TBC1D22B: variants seen among roughly 807,000 people sequenced by gnomAD.
TBC1D22B encodes chromosome 6 open reading frame 197.
TBC1D22B carries 32 observed loss-of-function variants against 69.1 expected under a neutral mutation model. The observed-to-expected ratio is 0.46, with a 90% CI of 0.35 to 0.62. TBC1D22B has a LOEUF of 0.62. Among genes scored for constraint, TBC1D22B ranks in the 20% least tolerant of loss-of-function variants. The pLI, the probability that TBC1D22B is intolerant of heterozygous loss-of-function variation, is 0.00. For synonymous variants in TBC1D22B, 206 were observed against 229.8 expected (o/e 0.90, Z 0.94); for missense variants, 462 against 630.9 (o/e 0.73, Z 2.87).
At chr6:37,322,251 T>TA (rs1459725431) in intron 12 of TBC1D22B, among the ~76,000 whole-genome samples, 1 of 151,978 alleles carries the variant, frequency 6.6e-6, no homozygotes, top group Non-Finnish European at 1.5e-5. Context: ...AAAAAGGAAT[T>TA]AAGAGGCCAG....
intron 3 of TBC1D22B, among the ~76,000 whole-genome samples, chr6:37,279,835 A>T (rs181408287): frequency 1.9e-4 from 29 of 152,266 alleles, no homozygotes; most frequent in African/African-American, 6.3e-4. Flanking sequence ...TCACTCTCTG[A>T]CACCCAGGTG....
At chr6:37,313,468 C>T (rs1015326284) in intron 9 of TBC1D22B, among the ~76,000 whole-genome samples, 3 of 145,632 alleles carry the variant, frequency 2.1e-5, no homozygotes, top group Non-Finnish European at 4.5e-5. Context: ...CCAGCCTGGG[C>T]GATAGAGTGA....
At chr6:37,282,081 A>G in intron 3 of TBC1D22B, 104 bp from the exon 4 acceptor site, 4 of 1,353,380 alleles carry the variant, frequency 3.0e-6, no homozygotes, top group Non-Finnish European at 4.2e-6. Context: ...ACAGGCAGCC[A>G]CACCCTTGGG....
At chr6:37,275,371 C>T (rs1483390619) in intron 2 of TBC1D22B, among the ~76,000 whole-genome samples, 1 of 151,936 alleles carries the variant, frequency 6.6e-6, no homozygotes, top group Non-Finnish European at 1.5e-5. Context: ...GAGAGTTGGG[C>T]TTTTGGCTGT....
rs59342064 is a variant in TBC1D22B, at chr6:37,281,202, A to G, written c.422-983A>G. On this transcript the variant is annotated intron_variant, in intron 3 of 12. Transcript: ENST00000373491. ...TACCTAAGGTGGTTTTTCACTTCTC[A>G]CTTGCAAGTTATTTAACCTCCCTGA... Among the ~76,000 whole-genome samples the G allele has an allele frequency of 6.7e-3, 1,026 of 152,272 alleles. 17 individuals are homozygous for G. The highest frequency in any genetic ancestry group is 0.024 in the African/African-American group (983 of 41,544).
intron 12 of TBC1D22B, among the ~76,000 whole-genome samples, chr6:37,329,624 A>C (rs1428341627): frequency 6.6e-6 from 1 of 152,256 alleles, no homozygotes; most frequent in Non-Finnish European, 1.5e-5. Context: ...CAGTGGCTTA[A>C]AACAAGAGAG....
Position 37,284,375 on chromosome 6 carries a change from C to T in TBC1D22B, c.712C>T (p.Leu238=), listed in dbSNP as rs763981135. 43 of 1,613,642 alleles carry T rather than the reference C, an allele frequency of 2.7e-5. No homozygotes were observed. Among genetic ancestry groups the T allele is most frequent in the Middle Eastern group, 1.6e-4 (1 of 6,084 alleles). Residue 238 remains leucine (L), a synonymous_variant, in exon 6 of 13, where the codon CTG becomes TTG. Coordinates refer to ENST00000373491, the MANE Select transcript of TBC1D22B (RefSeq NM_017772.4). ...AAACACTGAGAGGAGGAAGTTGACC[C>T]TGCAGCGGAAGCGGGAGGAATATTT... The part of the protein sequence containing the change: ...PANTERRKLT[L]QRKREEYFGF...
chr6:37,318,159 A>G (rs1018942492), intron 12 of TBC1D22B, among the ~76,000 whole-genome samples: 1 of 152,218 alleles, frequency 6.6e-6, no homozygotes, highest in Non-Finnish European at 1.5e-5. Flanking sequence ...CCAGGATGCT[A>G]CTGTAATCCT....
chr6:37,331,021 A>C (rs535980294), intron 12 of TBC1D22B, 23 bp from the exon 13 acceptor site: 1 of 1,613,556 alleles, frequency 6.2e-7, no homozygotes, highest in South Asian at 1.1e-5. Context: ...GGTATGATAT[A>C]AAAGTCCTTT....
chr6:37,329,404 A>G (rs1009459080), intron 12 of TBC1D22B, among the ~76,000 whole-genome samples: 4 of 152,224 alleles, frequency 2.6e-5, no homozygotes, highest in African/African-American at 9.6e-5. Context: ...ATATTGCCAG[A>G]CGCTTTTCTA....
intron 12 of TBC1D22B, among the ~76,000 whole-genome samples, chr6:37,329,226 C>T (rs980496846): frequency 2.0e-5 from 3 of 152,072 alleles, no homozygotes; most frequent in Non-Finnish European, 4.4e-5. Flanking sequence ...TTTTCTTTTA[C>T]CTAAGTGGGA....
chr6:37,272,069 G>A (rs894560801), intron 2 of TBC1D22B, among the ~76,000 whole-genome samples: 5 of 151,886 alleles, frequency 3.3e-5, no homozygotes, highest in Non-Finnish European at 7.4e-5. Context: ...CTTTTGTTAG[G>A]TCTTCTTTTT....
Position 37,303,128 on chromosome 6 carries a change from G to T in TBC1D22B, c.983-9790G>T, listed in dbSNP as rs146311202. ...TTCTCTTTTGTTTGAACTTAATCTC[G>T]TGGGCACACCTAGCAGCAAGTGAGG... is the stretch of plus-strand genomic sequence containing the variant. On this transcript the variant is annotated intron_variant, in intron 8 of 12. Coordinates refer to ENST00000373491, the MANE Select transcript of TBC1D22B (RefSeq NM_017772.4). Among the ~76,000 whole-genome samples, 787 of 152,262 alleles carry T rather than the reference G, an allele frequency of 5.2e-3. 10 individuals are homozygous for T. The highest frequency in any genetic ancestry group is 0.017 in the African/African-American group (722 of 41,544).
Position 37,313,086 on chromosome 6 carries a change from T to C in TBC1D22B, c.1089+62T>C. 15 of 1,360,316 alleles carry C rather than the reference T, an allele frequency of 1.1e-5. 1 individual carries two copies. The South Asian group carries it at 1.5e-4, about 14-fold the overall frequency. The allele number at this position is 1,360,316 out of a possible 1,614,324, so 84.3% of individuals were successfully genotyped here. A position where few individuals can be genotyped will look rare whatever the true frequency, so the allele number is the denominator to read the frequency against. On this transcript the variant is annotated intron_variant, in intron 9 of 12. Coordinates refer to ENST00000373491, the MANE Select transcript of TBC1D22B (RefSeq NM_017772.4). The stretch of plus-strand genomic sequence containing the variant: ...GGTCCAGAGGCTCCCAGCAGGGCTT[T>C]GGTTTCTTTCTTGCTCTTCTGTATC...
chr6:37,312,758 A>T (rs922084967), intron 8 of TBC1D22B, among the ~76,000 whole-genome samples, 160 bp from the exon 9 acceptor site: 3 of 152,218 alleles, frequency 2.0e-5, no homozygotes, highest in African/African-American at 7.2e-5. Flanking sequence ...ATATTTGCCC[A>T]CCTGACACAG....
At chr6:37,296,697 T>C (rs1767387656) in intron 8 of TBC1D22B, among the ~76,000 whole-genome samples, 1 of 152,158 alleles carries the variant, frequency 6.6e-6, no homozygotes, top group African/African-American at 2.4e-5. Flanking sequence ...CATTGTGAAT[T>C]ATTTTGAAGC....
intron 2 of TBC1D22B, among the ~76,000 whole-genome samples, chr6:37,271,524 G>C (rs1766481711): frequency 6.6e-6 from 1 of 152,142 alleles, no homozygotes; most frequent in African/African-American, 2.4e-5. Context: ...GTGTGGGAGA[G>C]GGGAGTGTAT....
intron 2 of TBC1D22B, among the ~76,000 whole-genome samples, chr6:37,270,208 T>A (rs922414406): frequency 6.6e-6 from 1 of 152,084 alleles, no homozygotes; most frequent in Non-Finnish European, 1.5e-5. Context: ...TCCCAGCACT[T>A]TGGGAGGCTG....
intron 2 of TBC1D22B, among the ~76,000 whole-genome samples, chr6:37,277,353 G>A (rs972367064): frequency 1.2e-4 from 18 of 152,180 alleles, no homozygotes; most frequent in African/African-American, 3.9e-4. Flanking sequence ...GGTACTGCAG[G>A]TGGTAGATCA....
Sources: allele counts gnomAD v4.1 joint callset (sites outside exome capture counted in the v4.1 genomes callset), GRCh38; gene constraint gnomAD v4.1.1; transcripts MANE v1.5; gene names NCBI Gene and HGNC (gene_info 2026-07-23, HGNC 2026-07-21).